Variants in EVC observed in about 807,000 individuals in gnomAD.
EVC encodes the protein evC complex member EVC.
In EVC, 116 loss-of-function variants were observed where a neutral mutation model predicts 118.9. The observed-to-expected ratio is 0.98, with a 90% CI of 0.84 to 1.14. EVC has a LOEUF of 1.14. Ranked by LOEUF, EVC falls within the 50% of genes most tolerant of loss-of-function variation. EVC has a pLI of 0.00. For missense variants in EVC, 1,401 were observed against 1,246.4 expected (o/e 1.12, Z -1.87); for synonymous variants, 619 against 534.7 (o/e 1.16, Z -2.18).
rs539010490 is a variant in EVC, at chr4:5,783,675, G to C, written c.1687G>C (p.Glu563Gln). 6 of 1,614,060 alleles carry C rather than the reference G, an allele frequency of 3.7e-6. No homozygotes were observed. The highest frequency in any genetic ancestry group is 5.1e-6 in the Non-Finnish European group (6 of 1,180,036). The change falls in exon 12 of 21, where the codon GAG becomes CAG. Residue 563 changes from glutamate (E) to glutamine (Q), a missense_variant. Transcript: ENST00000264956. ...ECDYLRQEVQ[E>Q]NAAWQLGKSN... ...TGACTACTTGAGGCAGGAAGTCCAG[G>C]AGAACGCTGCCTGGCAGCTGGGGAA...
chr4:5,808,235 T>C lies in EVC; in HGVS notation c.2596T>C (p.Phe866Leu), dbSNP rs775791873. 1 of 1,548,902 alleles carries C rather than the reference T, an allele frequency of 6.5e-7. No individual in the cohort carries two copies. Among genetic ancestry groups the C allele is most frequent in the South Asian group, 1.1e-5 (1 of 90,134 alleles). Reference protein sequence around the residue: ...LSQQKRFLAQFPVHQQMRLHA... With the variant: ...LSQQKRFLAQLPVHQQMRLHA... ...CCAGCAGAAGAGGTTCCTGGCCCAG[T>C]TCCCAGTGCACCAGCAGATGCGTCT... is the stretch of plus-strand genomic sequence containing the variant. Residue 866 changes from phenylalanine to leucine, a missense_variant, in exon 18 of 21, where the codon TTC becomes CTC. Phe to Leu is a conservative substitution (Grantham distance 22). Transcript: ENST00000264956.
At chr4:5,753,140 C>T (rs1050066803) in intron 9 of EVC, 88 bp downstream of exon 9, 8 of 1,275,648 alleles carry the variant, frequency 6.3e-6, no homozygotes, top group East Asian at 2.5e-5. Context: ...CAGCCTGGGG[C>T]AGTGTGCCCA....
chr4:5,779,441 A>G (rs1243558784), intron 11 of EVC, among the ~76,000 whole-genome samples: 8 of 149,842 alleles, frequency 5.3e-5, no homozygotes, highest in South Asian at 2.1e-4. Context: ...CAGTATGGCC[A>G]TTTTCACGAT....
chr4:5,741,878 T>A, intron 6 of EVC, 64 bp downstream of exon 6: 1 of 862,142 alleles, frequency 1.2e-6, no homozygotes, highest in Non-Finnish European at 1.8e-6. Context: ...ATACAACTTA[T>A]GATGCAAAAA....
At chr4:5,718,421 A>G (rs1354791287) in intron 1 of EVC, among the ~76,000 whole-genome samples, 3 of 152,186 alleles carry the variant, frequency 2.0e-5, no homozygotes, top group African/African-American at 7.2e-5. Flanking sequence ...AGGGCATGTC[A>G]TAGTTTTCTT....
intron 13 of EVC, among the ~76,000 whole-genome samples, chr4:5,794,335 T>TTA (rs1219510458): frequency 0.026 from 2,840 of 110,352 alleles, 109 homozygotes; most frequent in African/African-American, 0.076. Context: ...TTATATATAT[T>TTA]TATATACTTA....
At chr4:5,819,212 G>C (rs1331628396), downstream of EVC, among the ~76,000 whole-genome samples, 1 of 152,182 alleles carries the variant, frequency 6.6e-6, no homozygotes, top group African/African-American at 2.4e-5. Flanking sequence ...AGACTACTGT[G>C]GTAGGCAGAA....
chr4:5,803,943 CTTT>C (rs10600187), intron 16 of EVC, among the ~76,000 whole-genome samples: 21 of 142,344 alleles, frequency 1.5e-4, no homozygotes, highest in Non-Finnish European at 1.7e-4. Flanking sequence ...GCCTCATCAC[CTTT>C]TTTTTTTTTT....
the EVC span, chr4:5,824,644 C>T: frequency 1.1e-6 from 1 of 941,934 alleles, no homozygotes; most frequent in African/African-American, 2.0e-5. Context: ...TTTCAAATGG[C>T]TATTGAATAT....
At chr4:5,825,127 C>A in the EVC span, 1 of 985,456 alleles carries the variant, frequency 1.0e-6, no homozygotes, top group Non-Finnish European at 1.2e-6. The surrounding 1 kb of genome is among the most constrained non-coding windows in gnomAD (Gnocchi z 4.4). Flanking sequence ...AGCACATGCC[C>A]TGCAAATGGC....
chr4:5,808,844 T>G (rs1289133318), intron 18 of EVC, among the ~76,000 whole-genome samples: 2 of 152,196 alleles, frequency 1.3e-5, no homozygotes, highest in Non-Finnish European at 2.9e-5. Context: ...CTAAGCAAAG[T>G]GGCTGCCTTT....
Position 5,719,041 on chromosome 4 carries a change from C to G in EVC, c.175-207C>G, listed in dbSNP as rs937721354. On this transcript the variant is annotated intron_variant, in intron 1 of 20. Transcript: ENST00000264956. The surrounding 1 kb of genome is among the most constrained non-coding windows in gnomAD (Gnocchi z 4.7). The stretch of plus-strand genomic sequence containing the variant: ...TTAGGGGAACCGCTCAGGAAGGTGA[C>G]CTGTGCAGTCTTGAAGGACATGTAG... 1.3e-5 allele frequency among the ~76,000 whole-genome samples: 2 copies of G among 152,098 alleles called. No homozygotes were observed. The highest frequency in any genetic ancestry group is 4.8e-5 in the African/African-American group (2 of 41,416).
At position 5,804,711 on chromosome 4, in the gene EVC, C is replaced by G; in HGVS notation, c.2450-19C>G. ...TCCTCCAAACAGACCCCTTGATTGT[C>G]CTGTGTTAAATGGTCTAGGTGAGAG... is the stretch of plus-strand genomic sequence containing the variant. On this transcript the variant is annotated intron_variant, in intron 16 of 20. Coordinates refer to ENST00000264956, the MANE Select transcript of EVC (RefSeq NM_153717.3). 1.2e-6 allele frequency: 2 copies of G among 1,609,466 alleles called. No individual in the cohort carries two copies. The highest frequency in any genetic ancestry group is 1.3e-5 in the African/African-American group (1 of 74,924).
At chr4:5,781,350 A>G (rs527695493) in intron 11 of EVC, among the ~76,000 whole-genome samples, 39 of 152,274 alleles carry the variant, frequency 2.6e-4, no homozygotes, top group African/African-American at 9.4e-4. Flanking sequence ...GTCTAGGGGA[A>G]TGACAGATAA....
chr4:5,822,274 G>A, the EVC span, among the ~76,000 whole-genome samples: 9 of 152,240 alleles, frequency 5.9e-5, no homozygotes, highest in African/African-American at 2.2e-4. Flanking sequence ...CAGGCCACGT[G>A]TCTTGCGGGA....
chr4:5,811,112 T>C lies in EVC; in HGVS notation c.*75T>C. 1 of 1,229,542 alleles carries C rather than the reference T, an allele frequency of 8.1e-7. No individual in the cohort carries two copies. The highest frequency in any genetic ancestry group is 1.2e-6 in the Non-Finnish European group (1 of 849,124). The allele number at this position is 1,229,542 out of a possible 1,614,324, so 76.2% of individuals were successfully genotyped here. On this transcript the variant is annotated 3_prime_UTR_variant, in exon 21 of 21. Transcript: ENST00000264956. Reference sequence around the variant, plus strand: ...AATTCCACCTTCCCTCCTGCAGTGCTGAGAGGCAGCGAGGACGGAGAGGAC... The same window carrying C: ...AATTCCACCTTCCCTCCTGCAGTGCCGAGAGGCAGCGAGGACGGAGAGGAC...
At chr4:5,784,974 T>A (rs1238560099) in intron 12 of EVC, among the ~76,000 whole-genome samples, 1 of 152,164 alleles carries the variant, frequency 6.6e-6, no homozygotes, top group African/African-American at 2.4e-5. Flanking sequence ...AAATTCAACA[T>A]CCACCAAGAC....
intron 8 of EVC, among the ~76,000 whole-genome samples, chr4:5,751,741 G>A (rs1187052707): frequency 2.0e-5 from 3 of 152,206 alleles, no homozygotes; most frequent in African/African-American, 7.2e-5. Context: ...AACAGAGTAG[G>A]GGACCAGTGA....
chr4:5,793,649 A>C lies in EVC; in HGVS notation c.1818A>C (p.Thr606=), dbSNP rs202093497. 1.4e-4 allele frequency: 219 copies of C among 1,552,906 alleles called. 1 individual carries two copies. The highest frequency in any genetic ancestry group is 1.7e-4 in the Non-Finnish European group (194 of 1,147,854). Residue 606 remains threonine (T), a synonymous_variant, in exon 13 of 21, where the codon ACA becomes ACC. Transcript: ENST00000264956. ...GTGCGCTGTCCAGCGTGCTGCAGAC[A>C]CACCTGCGGGAGGACCACGAGGGCA... ...EECALSSVLQ[T]HLREDHEGTI...
Sources: gnomAD v4.1 joint callset for allele counts (sites outside exome capture counted in the v4.1 genomes callset) on GRCh38, gnomAD v4.1.1 for gene constraint, Gnocchi (gnomAD v3.1) non-coding constraint, MANE v1.5 for transcripts, NCBI Gene and HGNC (gene_info 2026-07-23, HGNC 2026-07-21) for gene names.